NUGGC: variants seen among roughly 807,000 people sequenced by gnomAD.
The protein encoded by NUGGC is nuclear GTPase SLIP-GC.
In NUGGC, 58 loss-of-function variants were observed where a neutral mutation model predicts 92.6. The observed-to-expected ratio is 0.63, with a 90% CI of 0.51 to 0.78. NUGGC has a LOEUF of 0.78. NUGGC is among the 30% of genes least tolerant of loss of function. The pLI is 0.00. For synonymous variants in NUGGC, 376 were observed against 366.4 expected, an observed-to-expected ratio of 1.03 and a Z score of -0.30; for missense variants, 925 against 964.6, an observed-to-expected ratio of 0.96 and a Z score of 0.54.
intron 10 of NUGGC, among the ~76,000 whole-genome samples, chr8:28,050,300 G>T (rs536090376): frequency 6.6e-6 from 1 of 151,140 alleles, no homozygotes. Context: ...CAGGAGAATC[G>T]CTTGAACCAG....
At position 28,047,524 on chromosome 8, in the gene NUGGC, A is replaced by G; in HGVS notation, c.1295T>C (p.Leu432Pro). The G allele has an allele frequency of 6.4e-7, 1 of 1,559,044 alleles. No individual in the cohort carries two copies. The highest frequency in any genetic ancestry group is 8.7e-7 in the Non-Finnish European group (1 of 1,149,106). Residue 432 changes from leucine to proline, a missense_variant, in exon 11 of 19, where the codon CTC becomes CCC. Leu to Pro is a moderately conservative substitution (Grantham distance 98, BLOSUM62 -3). Transcript: ENST00000413272. ...SAQEYWQQAL[L>P]TEEETEIPKL... Reference sequence around the variant, plus strand: ...TAAATTACCCGTTTCCTCCTCGGTGAGGAGAGCCTGCTGCCAGTACTCCTG... The same window carrying G: ...TAAATTACCCGTTTCCTCCTCGGTGGGGAGAGCCTGCTGCCAGTACTCCTG...
intron 10 of NUGGC, among the ~76,000 whole-genome samples, chr8:28,052,515 CAT>C (rs1810033039): frequency 6.6e-6 from 1 of 152,146 alleles, no homozygotes; most frequent in African/African-American, 2.4e-5. Flanking sequence ...GAGACACACA[CAT>C]GAGGAGAATG....
chr8:28,044,645 T>TAACAGGTGC (rs1193209009), intron 12 of NUGGC, among the ~76,000 whole-genome samples: 1 of 152,088 alleles, frequency 6.6e-6, no homozygotes, highest in Admixed American at 6.6e-5. Context: ...TGTTACAGAG[T>TAACAGGTGC]TATTCTTTAG....
intron 1 of NUGGC, among the ~76,000 whole-genome samples, chr8:28,081,798 A>G (rs1585611267): frequency 6.6e-6 from 1 of 151,920 alleles, no homozygotes; most frequent in African/African-American, 2.4e-5. Context: ...GAATCGCTTG[A>G]ACCCGGGAGG....
intron 6 of NUGGC, among the ~76,000 whole-genome samples, chr8:28,065,940 C>T (rs541306586): frequency 3.9e-5 from 6 of 152,164 alleles, no homozygotes; most frequent in Non-Finnish European, 5.9e-5. Flanking sequence ...CTTGAAAAGC[C>T]CCTTCCTACA....
At position 28,068,383 on chromosome 8, in the gene NUGGC, A is replaced by G; in HGVS notation, c.313T>C (p.Leu105=). 2.5e-6 allele frequency: 4 copies of G among 1,583,644 alleles called. No homozygotes were observed. The highest frequency in any genetic ancestry group is 1.3e-5 in the African/African-American group (1 of 74,486). Residue 105 remains leucine, a synonymous_variant, in exon 5 of 19, where the codon TTA becomes CTA. Transcript: ENST00000413272. ...TTCCCAGCCCCAGTGCTTCCAAATA[A>G]TGCAATGTAGATTGGGTCCACTGTC... ...KPTVDPIYIA[L]FGSTGAGKSS...
chr8:28,062,014 A>G (rs1319853360), intron 7 of NUGGC, among the ~76,000 whole-genome samples: 3 of 152,172 alleles, frequency 2.0e-5, no homozygotes, highest in Non-Finnish European at 4.4e-5. Context: ...TTGATTTTTA[A>G]AAAGCAGAAC....
chr8:28,069,707 G>C (rs773482782), intron 3 of NUGGC, 55 bp from the exon 4 acceptor site: 2 of 932,804 alleles, frequency 2.1e-6, no homozygotes, highest in Non-Finnish European at 3.6e-6. Context: ...TAAAGTACTA[G>C]GTCTCCAAAG....
At chr8:28,055,107 AC>A (rs912983933) in intron 10 of NUGGC, among the ~76,000 whole-genome samples, 2 of 151,608 alleles carry the variant, frequency 1.3e-5, no homozygotes, top group Non-Finnish European at 2.9e-5. Flanking sequence ...ACAAAAATTA[AC>A]CAGGCATGGT....
intron 7 of NUGGC, among the ~76,000 whole-genome samples, chr8:28,064,081 A>G (rs1810376621): frequency 6.6e-6 from 1 of 152,136 alleles, no homozygotes; most frequent in South Asian, 2.1e-4. Context: ...TCACCCAGGA[A>G]GATTCACCCT....
chr8:28,034,744 G>C (rs1441963175), intron 13 of NUGGC, among the ~76,000 whole-genome samples: 1 of 152,180 alleles, frequency 6.6e-6, no homozygotes, highest in Non-Finnish European at 1.5e-5. Context: ...TTGAACCTGG[G>C]AGGCAGAGGT....
At chr8:28,048,692 T>G (rs1228508061) in intron 10 of NUGGC, among the ~76,000 whole-genome samples, 1 of 151,918 alleles carries the variant, frequency 6.6e-6, no homozygotes, top group African/African-American at 2.4e-5. Context: ...TGAAACCCCA[T>G]CTCTACTAAA....
In NUGGC at chr8:28,030,732, T is replaced by C. The variant is rs545607891; in HGVS notation, c.1909-314A>G. ...GGGGGGCAGAGGAGATACAAGCTCT[T>C]TCCCTAGCATTGCCATGTAATTTGA... On this transcript the variant is annotated intron_variant, in intron 15 of 18. Transcript: ENST00000413272. Among the ~76,000 whole-genome samples the C allele has an allele frequency of 2.6e-5, 4 of 152,304 alleles. No individual in the cohort carries two copies. In the East Asian group the frequency reaches 7.7e-4, roughly 29 times the overall value.
intron 15 of NUGGC, among the ~76,000 whole-genome samples, 163 bp downstream of exon 15, chr8:28,031,080 C>G (rs1563214278): frequency 6.6e-6 from 1 of 152,196 alleles, no homozygotes; most frequent in Non-Finnish European, 1.5e-5. Flanking sequence ...CACTGCCGTC[C>G]CCACATCCCA....
chr8:28,026,248 T>A (rs1414632905), intron 18 of NUGGC, among the ~76,000 whole-genome samples: 1 of 152,250 alleles, frequency 6.6e-6, no homozygotes, highest in Non-Finnish European at 1.5e-5. Flanking sequence ...CTTGTCTATA[T>A]GCCACCCTCC....
At chr8:28,029,432 A>C (rs758640716) in intron 16 of NUGGC, 30 bp from the exon 17 acceptor site, 36 of 1,609,426 alleles carry the variant, frequency 2.2e-5, no homozygotes, top group Non-Finnish European at 2.8e-5. Flanking sequence ...CAGTCACACC[A>C]AGACAAGGAC....
intron 1 of NUGGC, among the ~76,000 whole-genome samples, chr8:28,082,893 G>A (rs191965601): frequency 1.8e-4 from 27 of 152,202 alleles, no homozygotes; most frequent in African/African-American, 5.3e-4. Context: ...GTAACAGACC[G>A]AAGCCTCAAA....
chr8:28,075,744 A>G (rs1448145357), intron 1 of NUGGC, among the ~76,000 whole-genome samples: 1 of 152,222 alleles, frequency 6.6e-6, no homozygotes, highest in African/African-American at 2.4e-5. Context: ...TGGTTTGCAG[A>G]TATTAACTGA....
intron 10 of NUGGC, among the ~76,000 whole-genome samples, chr8:28,051,322 G>C (rs961447614): frequency 6.6e-6 from 1 of 152,120 alleles, no homozygotes; most frequent in Non-Finnish European, 1.5e-5. Context: ...GCCAAAAAGT[G>C]ACACATTGAG....
Sources: allele counts gnomAD v4.1 joint callset (sites outside exome capture counted in the v4.1 genomes callset), GRCh38; gene constraint gnomAD v4.1.1; transcripts MANE v1.5; gene names NCBI Gene and HGNC (gene_info 2026-07-23, HGNC 2026-07-21).